Variants in CCND2 observed in about 807,000 individuals in gnomAD.
CCND2 encodes the protein cyclin D2.
Under a neutral mutation model 30.2 loss-of-function variants are expected in CCND2, and 6 were observed. The observed-to-expected ratio is 0.20, with a 90% CI of 0.11 to 0.39. CCND2 has a LOEUF of 0.39. Among genes scored for constraint, CCND2 ranks in the 10% least tolerant of loss-of-function variants. The pLI is 1.00. For missense variants in CCND2, 235 were observed against 373.4 expected, an observed-to-expected ratio of 0.63 and a Z score of 3.06; for synonymous variants, 150 against 153.1, an observed-to-expected ratio of 0.98 and a Z score of 0.15.
rs149580434 is a variant in CCND2 at position 4,273,864 on chromosome 12, C to T, written c.-177C>T. 515 of 646,586 alleles carry T rather than the reference C, an allele frequency of 8.0e-4. 4 individuals carry two copies. In the African/African-American group the frequency reaches 8.6e-3, roughly 11 times the overall value. 40.1% of individuals were successfully genotyped at this position (646,586 alleles called of 1,614,324 possible). ...CTCTGCTCGCCCACCACCCAATCCT[C>T]GCCTCCCTTCTGCTCCACCTTCTCT... On this transcript the variant is annotated 5_prime_UTR_variant, in exon 1 of 5. Coordinates refer to ENST00000261254, the MANE Select transcript of CCND2 (RefSeq NM_001759.4). The surrounding 1 kb of genome is among the most constrained non-coding windows in gnomAD (Gnocchi z 5.9).
At position 4,287,699 on chromosome 12, in the gene CCND2, G is replaced by T. The variant is rs1730147533; in HGVS notation, c.572-1143G>T. On this transcript the variant is annotated intron_variant, in intron 3 of 4. Coordinates refer to ENST00000261254, the MANE Select transcript of CCND2 (RefSeq NM_001759.4). The surrounding 1 kb of genome is among the most constrained non-coding windows in gnomAD (Gnocchi z 4.0). ...AGGGTGACGCTCGTGTGCATCTTCT[G>T]TGGCTGATGGGTAAATTAAACAGGA... is the stretch of plus-strand genomic sequence containing the variant. 1.3e-5 allele frequency among the ~76,000 whole-genome samples: 2 copies of T among 152,230 alleles called. No individual in the cohort carries two copies.
chr12:4,276,473 T>TG lies in CCND2; in HGVS notation c.411+253_411+254insG, dbSNP rs575770473. On this transcript the variant is annotated intron_variant, in intron 2 of 4. Coordinates refer to ENST00000261254, the MANE Select transcript of CCND2 (RefSeq NM_001759.4). The surrounding 1 kb of genome is among the most constrained non-coding windows in gnomAD (Gnocchi z 4.8). ...CTGTGAATAAGATCCTCATGGAGAT[T>TG]TGGGTTGGTGAGACTCATTTGCAAT... Among the ~76,000 whole-genome samples, 49 of 152,364 alleles carry TG rather than the reference T, an allele frequency of 3.2e-4. No individual in the cohort carries two copies. The East Asian group carries it at 6.4e-3, about 20-fold the overall frequency.
chr12:4,292,675 C>T (rs1425554953), intron 4 of CCND2, among the ~76,000 whole-genome samples: 1 of 152,160 alleles, frequency 6.6e-6, no homozygotes, highest in Non-Finnish European at 1.5e-5. Flanking sequence ...AGGGAATAAA[C>T]GTCTCAGAGA....
rs114215980 is a variant in CCND2, at chr12:4,274,504, A to C, written c.195+269A>C. On this transcript the variant is annotated intron_variant, in intron 1 of 4. Coordinates refer to ENST00000261254, the MANE Select transcript of CCND2 (RefSeq NM_001759.4). This position sits in a 1 kb window ranked among gnomAD's most constrained non-coding sequence, Gnocchi z 7.7. ...GAGCATCCCGCGCGCGTGTTCCTGC[A>C]TGTGGCTGCCTCTTCTTCCCACCCC... Among the ~76,000 whole-genome samples the C allele has an allele frequency of 2.9e-3, 435 of 152,292 alleles. 1 individual carries two copies. Among genetic ancestry groups the C allele is most frequent in the African/African-American group, 9.8e-3 (406 of 41,562 alleles).
Position 4,288,879 on chromosome 12 carries a change from A to G in CCND2, c.609A>G (p.Ala203=), listed in dbSNP as rs748329879. ...KFAMYPPSMI[A]TGSVGAAICG... ...CCATGTACCCACCGTCGATGATCGC[A>G]ACTGGAAGTGTGGGAGCAGCCATCT... Residue 203 remains alanine (A), a synonymous_variant, in exon 4 of 5, where the codon GCA becomes GCG. Coordinates refer to ENST00000261254, the MANE Select transcript of CCND2 (RefSeq NM_001759.4). 1.2e-6 allele frequency: 2 copies of G among 1,613,542 alleles called. No individual in the cohort carries two copies. Among genetic ancestry groups the G allele is most frequent in the African/African-American group, 2.7e-5 (2 of 74,860 alleles).
chr12:4,290,768 G>A (rs997676142), intron 4 of CCND2, among the ~76,000 whole-genome samples: 16 of 152,148 alleles, frequency 1.1e-4, no homozygotes, highest in African/African-American at 3.6e-4. Context: ...TTGGCTTTTC[G>A]AGACCGCAGG....
intron 4 of CCND2, among the ~76,000 whole-genome samples, chr12:4,294,081 G>A (rs1296055181): frequency 6.6e-6 from 1 of 152,208 alleles, no homozygotes; most frequent in Non-Finnish European, 1.5e-5. Flanking sequence ...GTTGAGTGCA[G>A]TGCGTGTGTG....
At position 4,287,098 on chromosome 12, in the gene CCND2, CGTA is replaced by C. The variant is rs1244775053; in HGVS notation, c.572-1742_572-1740del. 3.3e-5 allele frequency among the ~76,000 whole-genome samples: 5 copies of C among 152,138 alleles called. No individual in the cohort carries two copies. Among genetic ancestry groups the C allele is most frequent in the African/African-American group, 1.2e-4 (5 of 41,412 alleles). On this transcript the variant is annotated intron_variant, in intron 3 of 4. Coordinates refer to ENST00000261254, the MANE Select transcript of CCND2 (RefSeq NM_001759.4). The surrounding 1 kb of genome is among the most constrained non-coding windows in gnomAD (Gnocchi z 4.0). ...ACACTGTTCATGGCGACAGAGAAGGCGTAGGAGGGGCGGGTGGACAGCAGGCGT... is the reference window on the plus strand; with the variant it reads ...ACACTGTTCATGGCGACAGAGAAGGCGGAGGGGCGGGTGGACAGCAGGCGT...
At chr12:4,291,928 T>C (rs1864106521) in intron 4 of CCND2, among the ~76,000 whole-genome samples, 1 of 152,070 alleles carries the variant, frequency 6.6e-6, no homozygotes, top group Non-Finnish European at 1.5e-5. Context: ...GAAAGTAGAA[T>C]AGAGGTTCCC....
rs1178548785 is a variant in CCND2 at position 4,276,210 on chromosome 12, A to G, written c.401A>G (p.Gln134Arg). The G allele has an allele frequency of 6.2e-7, 1 of 1,613,664 alleles. No individual in the cohort carries two copies. Among genetic ancestry groups the G allele is most frequent in the East Asian group, 2.2e-5 (1 of 44,886 alleles). Residue 134 changes from glutamine (Q) to arginine (R), a missense_variant, in exon 2 of 5, where the codon CAG (glutamine) becomes CGG (arginine). Physicochemically the swap from Gln to Arg is conservative, Grantham distance 43. Around this residue, in one of 2 missense-constraint regions of CCND2, gnomAD observed 178 missense variants for 322.8 expected, o/e 0.55. Coordinates refer to ENST00000261254, the MANE Select transcript of CCND2 (RefSeq NM_001759.4). This position sits in a 1 kb window ranked among gnomAD's most constrained non-coding sequence, Gnocchi z 4.8. Reference protein sequence around the residue: ...CIYTDNSIKPQELLEWELVVL... With the variant: ...CIYTDNSIKPRELLEWELVVL... ...TACACCGACAACTCCATCAAGCCTC[A>G]GGAGCTGCTGGTAATGACCGGCCCC...
At chr12:4,283,605 C>G (rs1272100782) in intron 3 of CCND2, among the ~76,000 whole-genome samples, 1 of 152,162 alleles carries the variant, frequency 6.6e-6, no homozygotes, top group South Asian at 2.1e-4. Flanking sequence ...TTATTAATAC[C>G]TCACCATCAT....
At chr12:4,295,589 C>T (rs2120580029) in intron 4 of CCND2, among the ~76,000 whole-genome samples, 1 of 152,212 alleles carries the variant, frequency 6.6e-6, no homozygotes, top group East Asian at 1.9e-4. Flanking sequence ...CCAGCCTGAC[C>T]AATCTGGTGA....
In CCND2 at chr12:4,283,000, C is replaced by T. The variant is rs902578275; in HGVS notation, c.571+4081C>T. 3.9e-5 allele frequency among the ~76,000 whole-genome samples: 6 copies of T among 152,238 alleles called. No individual in the cohort carries two copies. The highest frequency in any genetic ancestry group is 3.3e-4 in the Admixed American group (5 of 15,284). On this transcript the variant is annotated intron_variant, in intron 3 of 4. Transcript: ENST00000261254. This position sits in a 1 kb window ranked among gnomAD's most constrained non-coding sequence, Gnocchi z 4.3. ...CGTCAGAGTGCGTATCTCTCTCCCC[C>T]TATTGGTGAACAGAAGCAAAGCCAT...
In CCND2 at chr12:4,301,917, T is replaced by TTG; in HGVS notation, c.*1909_*1910insGT. On this transcript the variant is annotated 3_prime_UTR_variant, in exon 5 of 5. Transcript: ENST00000261254. ...TCTTCTGGTAGCATATTCATGGTTG[T>TTG]TTTTTTTTTTCTTTTTTGGTTTTTT... 3.9e-5 allele frequency: 8 copies of TTG among 203,212 alleles called. No individual in the cohort carries two copies. The East Asian group carries it at 5.2e-4, about 13-fold the overall frequency. 12.6% of individuals were successfully genotyped at this position (203,212 alleles called of 1,614,324 possible).
At chr12:4,283,410 T>G (rs777481172) in intron 3 of CCND2, among the ~76,000 whole-genome samples, 4 of 152,152 alleles carry the variant, frequency 2.6e-5, no homozygotes, top group Non-Finnish European at 1.5e-5. Flanking sequence ...GGAGGTGACT[T>G]TGAGGAGCTG....
Position 4,276,264 on chromosome 12 carries a change from T to A in CCND2, c.411+44T>A. On this transcript the variant is annotated intron_variant, in intron 2 of 4. Coordinates refer to ENST00000261254, the MANE Select transcript of CCND2 (RefSeq NM_001759.4). The surrounding 1 kb of genome is among the most constrained non-coding windows in gnomAD (Gnocchi z 4.8). Reference sequence around the variant, plus strand: ...CTCCCTTCCTTTCTGCGATTCCCGCTTTCCCCTGGCCAACAATATGCCTTC... The same window carrying A: ...CTCCCTTCCTTTCTGCGATTCCCGCATTCCCCTGGCCAACAATATGCCTTC... 6 of 1,548,042 alleles carry A rather than the reference T, an allele frequency of 3.9e-6. No homozygotes were observed. The highest frequency in any genetic ancestry group is 5.3e-6 in the Non-Finnish European group (6 of 1,129,212).
chr12:4,282,790 T>TG lies in CCND2; in HGVS notation c.571+3873dup, dbSNP rs1863967333. ...CAGTTGCATGGGCATTCCCTTGCCATGGCAGCCCTGCCCCACAAGGACAGG... is the reference window on the plus strand; with the variant it reads ...CAGTTGCATGGGCATTCCCTTGCCATGGGCAGCCCTGCCCCACAAGGACAGG... On this transcript the variant is annotated intron_variant, in intron 3 of 4. Transcript: ENST00000261254. This position sits in a 1 kb window ranked among gnomAD's most constrained non-coding sequence, Gnocchi z 4.3. Among the ~76,000 whole-genome samples, 1 of 152,228 alleles carries TG rather than the reference T, an allele frequency of 6.6e-6. No individual in the cohort carries two copies. The highest frequency in any genetic ancestry group is 6.5e-5 in the Admixed American group (1 of 15,290).
chr12:4,304,953 C>T lies in CCND2; in HGVS notation c.*4944C>T, dbSNP rs1181372053. On this transcript the variant is annotated 3_prime_UTR_variant, in exon 5 of 5. Coordinates refer to ENST00000261254, the MANE Select transcript of CCND2 (RefSeq NM_001759.4). The surrounding 1 kb of genome is among the most constrained non-coding windows in gnomAD (Gnocchi z 6.2). ...AGATCTCTCTCTCTCTCCTCTCTCT[C>T]AGTTATGTAGTTTCTTGTCTTGGAC... 4 of 233,214 alleles carry T rather than the reference C, an allele frequency of 1.7e-5. No individual in the cohort carries two copies. The East Asian group carries it at 2.4e-4, about 14-fold the overall frequency. 14.4% of individuals were successfully genotyped at this position (233,214 alleles called of 1,614,324 possible). A position where few individuals can be genotyped will look rare whatever the true frequency, so the allele number is the denominator to read the frequency against.
chr12:4,290,167 C>T (rs1177640338), intron 4 of CCND2, among the ~76,000 whole-genome samples: 3 of 152,192 alleles, frequency 2.0e-5, no homozygotes, highest in Admixed American at 6.5e-5. Flanking sequence ...TCAGAGAGCC[C>T]ACGGCTGCAG....
Sources: gnomAD v4.1 joint callset for allele counts (sites outside exome capture counted in the v4.1 genomes callset) on GRCh38, gnomAD v4.1.1 for gene constraint, gnomAD v4.1.1 regional missense constraint, Gnocchi (gnomAD v3.1) non-coding constraint, MANE v1.5 for transcripts, NCBI Gene and HGNC (gene_info 2026-07-23, HGNC 2026-07-21) for gene names.